UNC80: variants seen among roughly 807,000 people sequenced by gnomAD.
UNC80 encodes the protein unc-80 subunit of NALCN channel complex.
A neutral mutation model predicts 384.6 loss-of-function variants in UNC80; 164 were observed. The observed-to-expected ratio is 0.43, with a 90% confidence interval of 0.38 to 0.49. The LOEUF (loss-of-function observed/expected upper bound fraction) is 0.49. Among genes scored for constraint, UNC80 ranks in the 20% least tolerant of loss-of-function variants. The probability of loss-of-function intolerance (pLI) is 0.00; values close to 1 mark genes in which losing one functional copy is unlikely to be tolerated. For missense variants in UNC80, 3,330 were observed against 4,143.0 expected (o/e 0.80, Z 5.39); for synonymous variants, 1,486 against 1,527.8 (o/e 0.97, Z 0.64).
At position 209,926,833 on chromosome 2, in the gene UNC80, C is replaced by T. The variant is rs184878966; in HGVS notation, c.5663-10C>T. ...TGAGAAAAGCACCCTGATTTTGTCTCCCATTTTAGATGAGGAACATACCAC... is the reference window on the plus strand; with the variant it reads ...TGAGAAAAGCACCCTGATTTTGTCTTCCATTTTAGATGAGGAACATACCAC... On this transcript the variant is annotated splice_polypyrimidine_tract_variant and intron_variant, in intron 35 of 64. Coordinates refer to ENST00000673920, the MANE Select transcript of UNC80 (RefSeq NM_001371986.1). The T allele has an allele frequency of 9.7e-6, 15 of 1,551,740 alleles. No individual in the cohort carries two copies. Among genetic ancestry groups the T allele is most frequent in the Non-Finnish European group, 4.4e-6 (5 of 1,146,910 alleles).
At position 209,959,487 on chromosome 2, in the gene UNC80, A is replaced by G; in HGVS notation, c.7587-2A>G. On this transcript the variant is annotated splice_acceptor_variant, in intron 50 of 64. Transcript: ENST00000673920. LOFTEE classifies it high-confidence loss of function. ...CCTAGTTAATCTTTCACAATTTCCCAGGGAAAACCTTCATTTACTGGAGGA... is the reference window on the plus strand; with the variant it reads ...CCTAGTTAATCTTTCACAATTTCCCGGGGAAAACCTTCATTTACTGGAGGA... 1 of 1,551,504 alleles carries G rather than the reference A, an allele frequency of 6.4e-7. No individual in the cohort carries two copies. The highest frequency in any genetic ancestry group is 2.4e-5 in the East Asian group (1 of 40,928).
Position 209,991,969 on chromosome 2 carries a change from C to T in UNC80, c.9315-197C>T, listed in dbSNP as rs576874969. On this transcript the variant is annotated intron_variant, in intron 61 of 64. Coordinates refer to ENST00000673920, the MANE Select transcript of UNC80 (RefSeq NM_001371986.1). ...ATTGAAAACAGAATCTCAATTTTGG[C>T]AGCTTGGGGCTACAAGGCCTTGTCC... is the stretch of plus-strand genomic sequence containing the variant. 9.8e-5 allele frequency among the ~76,000 whole-genome samples: 15 copies of T among 152,292 alleles called. No individual in the cohort carries two copies. The South Asian group carries it at 3.1e-3, about 32-fold the overall frequency.
At chr2:209,814,565 A>ACC (rs2079601454) in intron 8 of UNC80, among the ~76,000 whole-genome samples, 1 of 152,142 alleles carries the variant, frequency 6.6e-6, no homozygotes, top group Non-Finnish European at 1.5e-5. Context: ...CAGTGTCTTA[A>ACC]TGTCATCATT....
At chr2:209,970,782 C>T in intron 53 of UNC80, 50 bp from the exon 54 acceptor site, 2 of 1,530,552 alleles carry the variant, frequency 1.3e-6, no homozygotes, top group Non-Finnish European at 1.8e-6. Flanking sequence ...ACTACGGTTG[C>T]ATGAAATTGC....
chr2:209,878,535 T>C (rs1348319954), intron 24 of UNC80, among the ~76,000 whole-genome samples: 1 of 152,174 alleles, frequency 6.6e-6, no homozygotes, highest in Non-Finnish European at 1.5e-5. Context: ...TATTGAAAAT[T>C]TTAAACAGAG....
chr2:209,933,008 A>G (rs1435297753), intron 38 of UNC80, among the ~76,000 whole-genome samples: 1 of 152,206 alleles, frequency 6.6e-6, no homozygotes, highest in Non-Finnish European at 1.5e-5. Flanking sequence ...CCAGGACTAC[A>G]AAATTTTTGA....
In UNC80 at chr2:209,888,227, C is replaced by A. The variant is rs553978269; in HGVS notation, c.4243C>A (p.Leu1415Ile). Residue 1415 changes from leucine (L) to isoleucine (I), a missense_variant, in exon 26 of 65, where the codon CTC (leucine) becomes ATC (isoleucine). Around this residue, in one of 8 missense-constraint regions of UNC80, gnomAD observed 801 missense variants for 950.8 expected, o/e 0.84. Coordinates refer to ENST00000673920, the MANE Select transcript of UNC80 (RefSeq NM_001371986.1). ...KDSLHSSSHT[L>I]KSDAGVEEKK... ...TTCTCTCCACAGCAGCAGCCACACT[C>A]TCAAATCAGATGCAGGAGTCGAGGA... is the stretch of plus-strand genomic sequence containing the variant. The A allele has an allele frequency of 3.9e-6, 6 of 1,551,698 alleles. No individual in the cohort carries two copies. In the African/African-American group the frequency reaches 6.8e-5, roughly 18 times the overall value.
intron 28 of UNC80, among the ~76,000 whole-genome samples, chr2:209,897,523 C>A (rs1010620623): frequency 2.4e-4 from 36 of 152,114 alleles, no homozygotes; most frequent in Admixed American, 8.5e-4. Context: ...CTGGTCTACT[C>A]TTGGCTAGAC....
intron 7 of UNC80, among the ~76,000 whole-genome samples, chr2:209,794,288 C>G (rs542501706): frequency 6.6e-6 from 1 of 152,246 alleles, no homozygotes; most frequent in South Asian, 2.1e-4. Context: ...TAACCCTACC[C>G]TTGTTATTTG....
chr2:209,837,446 A>T (rs2081401112), intron 18 of UNC80, among the ~76,000 whole-genome samples: 1 of 152,216 alleles, frequency 6.6e-6, no homozygotes, highest in Non-Finnish European at 1.5e-5. Flanking sequence ...CTCTTGGTGT[A>T]TTATGTTGGA....
rs1417983328 is a variant in UNC80, at chr2:209,789,543, TCTC to T, written c.739_741del (p.Pro247del). ...TTCCGTCTTTTCAGCTAAGAGAAGT[TCTC>T]CTATCAACAGTCAAAGCCGGACCTG... On this transcript the variant is annotated inframe_deletion, in exon 6 of 65. Transcript: ENST00000673920. 3 of 1,613,012 alleles carry T rather than the reference TCTC, an allele frequency of 1.9e-6. No individual in the cohort carries two copies. Among genetic ancestry groups the T allele is most frequent in the Admixed American group, 1.7e-5 (1 of 59,946 alleles).
intron 32 of UNC80, among the ~76,000 whole-genome samples, chr2:209,918,249 A>G (rs2089721485): frequency 6.6e-6 from 1 of 152,222 alleles, no homozygotes; most frequent in African/African-American, 2.4e-5. Flanking sequence ...TTTGCTATAT[A>G]TAAACTTACA....
chr2:209,980,803 T>C (rs2093138793), intron 59 of UNC80, among the ~76,000 whole-genome samples: 1 of 152,164 alleles, frequency 6.6e-6, no homozygotes, highest in Admixed American at 6.5e-5. Context: ...ACATGATTCA[T>C]CACCAAACAA....
intron 33 of UNC80, among the ~76,000 whole-genome samples, chr2:209,921,252 A>T (rs1375260554): frequency 2.0e-5 from 3 of 152,252 alleles, no homozygotes; most frequent in Non-Finnish European, 4.4e-5. Flanking sequence ...CCTGAGATGA[A>T]ATAGGATTCC....
At chr2:209,904,514 A>T (rs758249352) in intron 28 of UNC80, among the ~76,000 whole-genome samples, 4 of 152,218 alleles carry the variant, frequency 2.6e-5, no homozygotes, top group Non-Finnish European at 5.9e-5. Context: ...TAATTGTTTT[A>T]AGTTTTTGAA....
chr2:209,940,582 G>A (rs1053191623), intron 43 of UNC80, among the ~76,000 whole-genome samples: 48 of 152,260 alleles, frequency 3.2e-4, no homozygotes, highest in African/African-American at 1.1e-3. Context: ...GGGAGGCCCA[G>A]GGAGGCAGAT....
chr2:209,933,853 C>T lies in UNC80; in HGVS notation c.6026C>T (p.Pro2009Leu). ...VGLIMYFVRT[P>L]CEWGMDAISA... ...TTAATCATGTACTTTGTGCGGACCC[C>T]CTGCGAGTGGGGGATGGATGCCATT... Residue 2009 changes from proline (P) to leucine (L), a missense_variant, in exon 39 of 65, where the codon CCC becomes CTC. Pro to Leu is a moderately conservative substitution (Grantham distance 98, BLOSUM62 -3). Coordinates refer to ENST00000673920, the MANE Select transcript of UNC80 (RefSeq NM_001371986.1). 1 of 1,551,164 alleles carries T rather than the reference C, an allele frequency of 6.4e-7. No homozygotes were observed. The highest frequency in any genetic ancestry group is 8.7e-7 in the Non-Finnish European group (1 of 1,146,768).
intron 60 of UNC80, chr2:209,982,641 G>T: frequency 4.9e-6 from 1 of 204,200 alleles, no homozygotes. Context: ...ATGGGTACTT[G>T]GCAAGAGTTT....
At chr2:209,955,580 A>AATAGTTTTCT (rs2092366308) in intron 48 of UNC80, among the ~76,000 whole-genome samples, 1 of 150,882 alleles carries the variant, frequency 6.6e-6, no homozygotes, top group Admixed American at 6.6e-5. Context: ...CCTAAAGAGA[A>AATAGTTTTCT]ATGAAAGACT....
Sources: allele counts gnomAD v4.1 joint callset (sites outside exome capture counted in the v4.1 genomes callset), GRCh38; gene constraint gnomAD v4.1.1; regional missense constraint gnomAD v4.1.1; transcripts MANE v1.5; gene names NCBI Gene and HGNC (gene_info 2026-07-23, HGNC 2026-07-21).